SMAD4: variants seen among roughly 807,000 people sequenced by gnomAD.
SMAD4 encodes MAD homolog 4.
A neutral mutation model predicts 63.2 loss-of-function variants in SMAD4; 7 were observed. The observed-to-expected ratio is 0.11, with a 90% CI of 0.06 to 0.21. The LOEUF (loss-of-function observed/expected upper bound fraction) is 0.21, where lower values mean the gene tolerates loss of function less well. Among genes scored for constraint, SMAD4 ranks in the 10% least tolerant of loss-of-function variants. The pLI, the probability that SMAD4 is intolerant of heterozygous loss-of-function variation, is 1.00. For missense variants in SMAD4, 312 were observed against 693.8 expected, an observed-to-expected ratio of 0.45 and a Z score of 6.18; for synonymous variants, 215 against 235.4, an observed-to-expected ratio of 0.91 and a Z score of 0.79.
At chr18:51,040,496 CACTT>C (rs577594915) in intron 1 of SMAD4, among the ~76,000 whole-genome samples, 6 of 151,934 alleles carry the variant, frequency 3.9e-5, no homozygotes, top group Admixed American at 2.0e-4. Flanking sequence ...CTGATCAAAA[CACTT>C]ACAACTTCTA....
At chr18:51,078,156 A>G (rs1910515910) in intron 11 of SMAD4, 100 bp from the exon 12 acceptor site, 7 of 976,336 alleles carry the variant, frequency 7.2e-6, no homozygotes, top group Middle Eastern at 2.9e-4. Context: ...GCTGAGGAGA[A>G]TGAAATACAG....
In SMAD4 at chr18:51,083,736, A is replaced by C. The variant is rs1568212998; in HGVS notation, c.*5269A>C. 1 of 229,058 alleles carries C rather than the reference A, an allele frequency of 4.4e-6. No individual in the cohort carries two copies. Among genetic ancestry groups the C allele is most frequent in the Non-Finnish European group, 8.7e-6 (1 of 115,510 alleles). 14.2% of individuals were successfully genotyped at this position (229,058 alleles called of 1,614,324 possible). On this transcript the variant is annotated 3_prime_UTR_variant, in exon 12 of 12. Coordinates refer to ENST00000342988, the MANE Select transcript of SMAD4 (RefSeq NM_005359.6). ...AGTTGCCTCATCTGTAAAATGAGGG[A>C]GTTGGAGTAGATTAATTATTCCAGC...
At chr18:51,071,265 TACACAC>T (rs141566325) in intron 10 of SMAD4, among the ~76,000 whole-genome samples, 1 of 150,626 alleles carries the variant, frequency 6.6e-6, no homozygotes, top group Admixed American at 6.6e-5. Context: ...TGCATGCACA[TACACAC>T]ACACACACAT....
Position 51,041,997 on chromosome 18 carries a change from A to G in SMAD4, c.-127-4923A>G, listed in dbSNP as rs887326610. Among the ~76,000 whole-genome samples the G allele has an allele frequency of 4.6e-5, 7 of 152,174 alleles. No homozygotes were observed. The East Asian group carries it at 9.7e-4, about 21-fold the overall frequency. ...CTACTTCTTTTAGCATTTATTACTTATGTAATAATATGTTTGGGTCTTCCA... is the reference window on the plus strand; with the variant it reads ...CTACTTCTTTTAGCATTTATTACTTGTGTAATAATATGTTTGGGTCTTCCA... On this transcript the variant is annotated intron_variant, in intron 1 of 11. Transcript: ENST00000342988.
chr18:51,064,480 C>T (rs762838217), intron 8 of SMAD4, among the ~76,000 whole-genome samples: 6 of 152,178 alleles, frequency 3.9e-5, no homozygotes, highest in Admixed American at 1.3e-4. Flanking sequence ...TTGTTTTCTA[C>T]TGTGTATGCA....
At chr18:51,065,269 A>T (rs543456305) in intron 8 of SMAD4, among the ~76,000 whole-genome samples, 154 bp from the exon 9 acceptor site, 1 of 152,284 alleles carries the variant, frequency 6.6e-6, no homozygotes, top group South Asian at 2.1e-4. Context: ...CTTTTAATGC[A>T]TTATGTTATT....
intron 1 of SMAD4, among the ~76,000 whole-genome samples, chr18:51,042,410 T>C (rs35029562): frequency 0.39 from 59,320 of 150,298 alleles, 11,767 homozygotes; most frequent in East Asian, 0.51. Flanking sequence ...CAGGCTCTGT[T>C]ACCCAGGCTG....
In SMAD4 at chr18:51,073,801, G is replaced by A. The variant is rs528585729; in HGVS notation, c.1309-2837G>A. ...CTGCCTCGGCCTCCCAAAGTGCTGG[G>A]ATTACAGGAGAGAGCCACTGTGCCT... On this transcript the variant is annotated intron_variant, in intron 10 of 11. Coordinates refer to ENST00000342988, the MANE Select transcript of SMAD4 (RefSeq NM_005359.6). 1.1e-3 allele frequency among the ~76,000 whole-genome samples: 168 copies of A among 152,166 alleles called. 1 individual carries two copies. The highest frequency in any genetic ancestry group is 3.6e-3 in the African/African-American group (149 of 41,516).
intron 2 of SMAD4, among the ~76,000 whole-genome samples, chr18:51,048,155 A>ATTTAT (rs1198383174): frequency 6.6e-6 from 1 of 152,116 alleles, no homozygotes; most frequent in Admixed American, 6.5e-5. Flanking sequence ...TTGCATATTT[A>ATTTAT]TTTATTTTAT....
At position 51,078,452 on chromosome 18, in the gene SMAD4, A is replaced by G. The variant is rs756795016; in HGVS notation, c.1644A>G (p.Pro548=). ...TTCATACCATGCCGATTGCAGACCC[A>G]CAACCTTTAGACTGAGGTCTTTTAC... ...EVLHTMPIAD[P]QPLD The change falls in exon 12 of 12, where the codon CCA becomes CCG. Residue 548 remains proline (P), a synonymous_variant. Transcript: ENST00000342988. 18 of 1,613,770 alleles carry G rather than the reference A, an allele frequency of 1.1e-5. No individual in the cohort carries two copies. The highest frequency in any genetic ancestry group is 5.0e-5 in the Admixed American group (3 of 60,008).
Position 51,058,240 on chromosome 18 carries a change from T to A in SMAD4, c.783T>A (p.His261Gln), listed in dbSNP as rs2144427768. The A allele has an allele frequency of 6.2e-7, 1 of 1,614,146 alleles. No individual in the cohort carries two copies. Among genetic ancestry groups the A allele is most frequent in the Non-Finnish European group, 8.5e-7 (1 of 1,180,008 alleles). ...TTACTGGTCAGCCAGCTACTTACCA[T>A]CATAGTATGTACATACTTTAAAAAA... ...NGFTGQPATY[H>Q]HNSTTTWTGS... Residue 261 changes from histidine (H) to glutamine (Q), a missense_variant, in exon 6 of 12, where the codon CAT (histidine) becomes CAA (glutamine). By Grantham distance (24) the His-to-Gln change is conservative. Around this residue, in one of 4 missense-constraint regions of SMAD4, gnomAD observed 169 missense variants for 211.0 expected, o/e 0.80. Transcript: ENST00000342988.
At chr18:51,046,115 C>T (rs1377055366) in intron 1 of SMAD4, among the ~76,000 whole-genome samples, 6 of 152,110 alleles carry the variant, frequency 3.9e-5, no homozygotes, top group African/African-American at 1.4e-4. Context: ...TTTCATTTCC[C>T]TCAAGTAGAA....
chr18:51,070,866 T>C (rs1215801441), intron 10 of SMAD4, among the ~76,000 whole-genome samples: 1 of 152,172 alleles, frequency 6.6e-6, no homozygotes, highest in Non-Finnish European at 1.5e-5. Flanking sequence ...GGCCCCAAAG[T>C]GCAAGGGTAA....
At chr18:51,038,806 A>C (rs796787439) in intron 1 of SMAD4, among the ~76,000 whole-genome samples, 6 of 152,354 alleles carry the variant, frequency 3.9e-5, no homozygotes, top group African/African-American at 1.2e-4. Context: ...AAATACCAAA[A>C]ATTTTAGTAG....
chr18:51,066,179 C>T (rs1212921062), intron 9 of SMAD4, among the ~76,000 whole-genome samples: 2 of 151,908 alleles, frequency 1.3e-5, no homozygotes, highest in Non-Finnish European at 2.9e-5. Flanking sequence ...TGGTGAAACC[C>T]TGTCTCTACC....
At chr18:51,075,003 C>A (rs573903483) in intron 10 of SMAD4, among the ~76,000 whole-genome samples, 12 of 152,280 alleles carry the variant, frequency 7.9e-5, no homozygotes, top group African/African-American at 2.9e-4. Flanking sequence ...TGCCACCATG[C>A]CCCTGTCATT....
At chr18:51,036,209 C>T (rs928476493) in intron 1 of SMAD4, among the ~76,000 whole-genome samples, 6 of 151,912 alleles carry the variant, frequency 3.9e-5, no homozygotes, top group African/African-American at 1.5e-4. Context: ...CTAGCCAAAT[C>T]TTATTTATGA....
intron 10 of SMAD4, among the ~76,000 whole-genome samples, chr18:51,072,537 G>A (rs73960361): frequency 0.023 from 3,517 of 152,152 alleles, 122 homozygotes; most frequent in African/African-American, 0.079. Flanking sequence ...TTATGTTCAG[G>A]TGCATTTTTC....
At chr18:51,065,813 C>A (rs1910134646) in intron 9 of SMAD4, among the ~76,000 whole-genome samples, 1 of 152,008 alleles carries the variant, frequency 6.6e-6, no homozygotes, top group Non-Finnish European at 1.5e-5. Flanking sequence ...TAAAAGATAG[C>A]CTTTTTTATG....
Sources: gnomAD v4.1 joint callset for allele counts (sites outside exome capture counted in the v4.1 genomes callset) on GRCh38, gnomAD v4.1.1 for gene constraint, gnomAD v4.1.1 regional missense constraint, MANE v1.5 for transcripts, NCBI Gene and HGNC (gene_info 2026-07-23, HGNC 2026-07-21) for gene names.